FUT9: variants seen among roughly 807,000 people sequenced by gnomAD.
The protein encoded by FUT9 is 4-galactosyl-N-acetylglucosaminide 3-alpha-L-fucosyltransferase 9.
A neutral mutation model predicts 29.7 loss-of-function variants in FUT9; 15 were observed. The ratio of observed to expected loss-of-function variants is 0.51; its 90% CI spans 0.34 to 0.78. The LOEUF (loss-of-function observed/expected upper bound fraction) is 0.78, where lower values mean the gene tolerates loss of function less well. Ranked by LOEUF, FUT9 falls within the 30% of genes least tolerant of loss-of-function variation. The pLI is 0.01. For missense variants in FUT9, 319 were observed against 425.4 expected, an observed-to-expected ratio of 0.75 and a Z score of 2.20; for synonymous variants, 169 against 153.7, an observed-to-expected ratio of 1.10 and a Z score of -0.74.
intron 2 of FUT9, among the ~76,000 whole-genome samples, chr6:96,165,774 C>A (rs1005018216): frequency 6.6e-6 from 1 of 151,980 alleles, no homozygotes; most frequent in Non-Finnish European, 1.5e-5. Flanking sequence ...CACCACCATG[C>A]CTGGTTAATT....
At chr6:96,101,914 T>C (rs1225490433) in intron 1 of FUT9, among the ~76,000 whole-genome samples, 1 of 151,994 alleles carries the variant, frequency 6.6e-6, no homozygotes, top group Non-Finnish European at 1.5e-5. Context: ...GGAATTTATA[T>C]CATTTTATCC....
rs1429634977 is a variant in FUT9, at chr6:96,211,075, T to C, written c.*6840T>C. 1 of 166,816 alleles carries C rather than the reference T, an allele frequency of 6.0e-6. No individual in the cohort carries two copies. The highest frequency in any genetic ancestry group is 1.5e-5 in the Non-Finnish European group (1 of 67,992). 10.3% of individuals were successfully genotyped at this position (166,816 alleles called of 1,614,324 possible). A position where few individuals can be genotyped will look rare whatever the true frequency, so the allele number is the denominator to read the frequency against. Reference sequence around the variant, plus strand: ...ACATTAAACAGGCAGTTTGTAGGAATCATTGAAATTTTATACAAGCCGAAG... The same window carrying C: ...ACATTAAACAGGCAGTTTGTAGGAACCATTGAAATTTTATACAAGCCGAAG... On this transcript the variant is annotated 3_prime_UTR_variant, in exon 3 of 3. Coordinates refer to ENST00000302103, the MANE Select transcript of FUT9 (RefSeq NM_006581.4).
chr6:96,075,133 T>C (rs1486189419), intron 1 of FUT9, among the ~76,000 whole-genome samples: 4 of 152,108 alleles, frequency 2.6e-5, no homozygotes, highest in Admixed American at 2.6e-4. Flanking sequence ...GATGTGTGTG[T>C]GCGTGTGTGT....
chr6:96,129,494 T>G (rs939128765), intron 2 of FUT9, among the ~76,000 whole-genome samples: 13 of 151,840 alleles, frequency 8.6e-5, no homozygotes, highest in African/African-American at 2.4e-4. Flanking sequence ...TTCAAACTAT[T>G]CACTATAAAA....
rs147874750 is a variant in FUT9, at chr6:96,145,159, G to A, written c.-9+31032G>A. 4.0e-3 allele frequency among the ~76,000 whole-genome samples: 609 copies of A among 152,210 alleles called. 7 individuals carry two copies. Among genetic ancestry groups the A allele is most frequent in the African/African-American group, 0.014 (576 of 41,528 alleles). On this transcript the variant is annotated intron_variant, in intron 2 of 2. Transcript: ENST00000302103. ...TGCAAGCTCCATCTCCTGGGTTCAC[G>A]CCATTCTCCTGCCTTAGCCTCCTGA...
In FUT9 at chr6:96,207,519, G is replaced by C. The variant is rs542378605; in HGVS notation, c.*3284G>C. On this transcript the variant is annotated 3_prime_UTR_variant, in exon 3 of 3. Transcript: ENST00000302103. ...TTTTAGGAGTTGAGTTCAGCAGAAG[G>C]AAATGGGCTATCACTACATTTAAGT... 4.8e-5 allele frequency: 8 copies of C among 167,086 alleles called. No individual in the cohort carries two copies. The South Asian group carries it at 1.7e-3, about 35-fold the overall frequency. The allele number at this position is 167,086 out of a possible 1,614,324, so 10.4% of individuals were successfully genotyped here.
chr6:96,111,801 T>C (rs1003540271), intron 1 of FUT9, among the ~76,000 whole-genome samples: 21 of 152,150 alleles, frequency 1.4e-4, no homozygotes, highest in African/African-American at 5.1e-4. Flanking sequence ...GTAATATATA[T>C]ATGTATATAT....
chr6:96,142,435 C>T (rs1242952416), intron 2 of FUT9, among the ~76,000 whole-genome samples: 2 of 152,120 alleles, frequency 1.3e-5, no homozygotes, highest in Non-Finnish European at 1.5e-5. Context: ...AAAGCTGGTG[C>T]ATCTTGCCAA....
At chr6:96,142,065 T>C (rs1303363349) in intron 2 of FUT9, among the ~76,000 whole-genome samples, 2 of 152,210 alleles carry the variant, frequency 1.3e-5, no homozygotes, top group African/African-American at 4.8e-5. Flanking sequence ...GCTTACACAC[T>C]GGGATGTTTT....
chr6:96,102,464 T>G (rs1428238230), intron 1 of FUT9, among the ~76,000 whole-genome samples: 1 of 152,180 alleles, frequency 6.6e-6, no homozygotes, highest in Non-Finnish European at 1.5e-5. Context: ...TGTAATTGCC[T>G]TGAATTTTTT....
At chr6:96,023,524 A>C (rs1344761616) in intron 1 of FUT9, among the ~76,000 whole-genome samples, 1 of 151,882 alleles carries the variant, frequency 6.6e-6, no homozygotes, top group Non-Finnish European at 1.5e-5. Flanking sequence ...AACCTGTAGT[A>C]ATGTGGGAGG....
At chr6:96,068,550 G>T (rs920393826) in intron 1 of FUT9, among the ~76,000 whole-genome samples, 10 of 145,702 alleles carry the variant, frequency 6.9e-5, no homozygotes, top group African/African-American at 2.3e-4. Flanking sequence ...CATCATTGGT[G>T]ACATAGCAAA....
chr6:96,043,174 C>T (rs1165516423), intron 1 of FUT9, among the ~76,000 whole-genome samples: 4 of 152,130 alleles, frequency 2.6e-5, no homozygotes, highest in Admixed American at 2.6e-4. Flanking sequence ...GCCTCAGCCT[C>T]CCGAGTAGCT....
intron 1 of FUT9, among the ~76,000 whole-genome samples, chr6:96,031,865 G>A (rs1297350731): frequency 6.6e-6 from 1 of 151,518 alleles, no homozygotes; most frequent in South Asian, 2.1e-4. Context: ...AACAAAACTA[G>A]TACTTTACTT....
chr6:96,118,199 T>C (rs1339011447), intron 2 of FUT9, among the ~76,000 whole-genome samples: 8 of 49,080 alleles, frequency 1.6e-4, no homozygotes, highest in African/African-American at 3.8e-4. Context: ...AGTAAGAGTC[T>C]GTCTCAAAAA....
At position 96,065,693 on chromosome 6, in the gene FUT9, T is replaced by TA. The variant is rs560391033; in HGVS notation, c.-97-48345dup. Reference sequence around the variant, plus strand: ...TTGGGATATGTATGTAGACAACAGCTACAAAACTGCTATAGATCTATTACT... The same window carrying TA: ...TTGGGATATGTATGTAGACAACAGCTAACAAAACTGCTATAGATCTATTACT... On this transcript the variant is annotated intron_variant, in intron 1 of 2. Coordinates refer to ENST00000302103, the MANE Select transcript of FUT9 (RefSeq NM_006581.4). Among the ~76,000 whole-genome samples, 618 of 152,328 alleles carry TA rather than the reference T, an allele frequency of 4.1e-3. 3 individuals carry two copies. The highest frequency in any genetic ancestry group is 9.5e-3 in the South Asian group (46 of 4,830).
chr6:96,179,860 C>T (rs1225353992), intron 2 of FUT9, among the ~76,000 whole-genome samples: 1 of 152,078 alleles, frequency 6.6e-6, no homozygotes, highest in East Asian at 1.9e-4. Context: ...ACTGAACACA[C>T]AGCTTATGAC....
At chr6:96,141,912 C>T (rs545015710) in intron 2 of FUT9, among the ~76,000 whole-genome samples, 16 of 152,172 alleles carry the variant, frequency 1.1e-4, no homozygotes, top group Non-Finnish European at 1.9e-4. Context: ...CTGCTGTGTA[C>T]TCATCTTCCA....
chr6:96,193,816 A>G (rs1773566228), intron 2 of FUT9, among the ~76,000 whole-genome samples: 1 of 152,220 alleles, frequency 6.6e-6, no homozygotes, highest in African/African-American at 2.4e-5. Context: ...ATGTTGATCA[A>G]TGATAGACTG....
Sources: gnomAD v4.1 joint callset for allele counts (sites outside exome capture counted in the v4.1 genomes callset) on GRCh38, gnomAD v4.1.1 for gene constraint, MANE v1.5 for transcripts, NCBI Gene and HGNC (gene_info 2026-07-23, HGNC 2026-07-21) for gene names.